GALNTL5: variants seen among roughly 807,000 people sequenced by gnomAD.
GALNTL5 encodes inactive polypeptide N-acetylgalactosaminyltransferase-like protein 5.
A neutral mutation model predicts 51.0 loss-of-function variants in GALNTL5; 44 were observed. The ratio of observed to expected loss-of-function variants is 0.86; its 90% CI spans 0.68 to 1.11. The LOEUF (loss-of-function observed/expected upper bound fraction) is 1.11, where lower values mean the gene tolerates loss of function less well. GALNTL5 is among the 50% of genes least tolerant of loss of function. GALNTL5 has a pLI of 0.00. For missense variants in GALNTL5, 528 were observed against 531.8 expected, an observed-to-expected ratio of 0.99 and a Z score of 0.07; for synonymous variants, 192 against 182.8, an observed-to-expected ratio of 1.05 and a Z score of -0.41.
intron 5 of GALNTL5, 145 bp from the exon 6 acceptor site, chr7:152,002,569 G>T (rs2081593968): frequency 1.3e-6 from 1 of 769,728 alleles, no homozygotes; most frequent in African/African-American, 1.8e-5. Flanking sequence ...TGTATTTCTT[G>T]TTTCCTTCCA....
At chr7:152,007,452 C>G (rs1194400330) in intron 6 of GALNTL5, among the ~76,000 whole-genome samples, 1 of 122,938 alleles carries the variant, frequency 8.1e-6, no homozygotes, top group Non-Finnish European at 1.6e-5. Flanking sequence ...GAGTCTGGCT[C>G]TGTCGTCCCA....
At chr7:152,010,496 G>A (rs112698703) in intron 7 of GALNTL5, among the ~76,000 whole-genome samples, 3,573 of 152,116 alleles carry the variant, frequency 0.023, 140 homozygotes, top group African/African-American at 0.082. Flanking sequence ...GCCCAGGTGC[G>A]GCAGCTCACA....
chr7:152,010,909 A>G (rs1327124116), intron 7 of GALNTL5, among the ~76,000 whole-genome samples: 1 of 152,218 alleles, frequency 6.6e-6, no homozygotes, highest in Non-Finnish European at 1.5e-5. Context: ...TTTAAGATAC[A>G]TGTAAAGGAT....
intron 8 of GALNTL5, among the ~76,000 whole-genome samples, chr7:152,017,891 G>C (rs549317018): frequency 6.6e-6 from 1 of 151,982 alleles, no homozygotes; most frequent in African/African-American, 2.4e-5. Flanking sequence ...TGTCACCCAG[G>C]CTGGAGTGCG....
chr7:152,001,245 T>C (rs1029435565), intron 5 of GALNTL5, among the ~76,000 whole-genome samples: 13 of 152,028 alleles, frequency 8.6e-5, no homozygotes, highest in Admixed American at 5.2e-4. Flanking sequence ...ATTGTGTCTT[T>C]TAAGCACAAA....
rs1251868989 is a variant in GALNTL5, at chr7:151,989,790, CT to C, written c.658+2513del. Among the ~76,000 whole-genome samples, 20 of 152,242 alleles carry C rather than the reference CT, an allele frequency of 1.3e-4. 1 individual carries two copies. Among genetic ancestry groups the C allele is most frequent in the Admixed American group, 5.9e-4 (9 of 15,294 alleles). The stretch of plus-strand genomic sequence containing the variant: ...CACAGTTGGCCAAAAAATAGGCTAC[CT>C]TTTCTTTTCTTGGTATTACCAGCCA... On this transcript the variant is annotated intron_variant, in intron 5 of 8. Transcript: ENST00000392800.
At chr7:151,960,927 C>T (rs576464673) in intron 1 of GALNTL5, among the ~76,000 whole-genome samples, 1 of 152,282 alleles carries the variant, frequency 6.6e-6, no homozygotes, top group South Asian at 2.1e-4. Flanking sequence ...TGCTTTGATG[C>T]CATGGAATTG....
intron 7 of GALNTL5, among the ~76,000 whole-genome samples, chr7:152,010,765 T>C (rs957431188): frequency 7.6e-6 from 1 of 131,920 alleles, no homozygotes; most frequent in Non-Finnish European, 1.7e-5. Flanking sequence ...CGAGACTCTG[T>C]CTCAAAAAAA....
Position 152,017,914 on chromosome 7 carries a change from C to T in GALNTL5, c.1177-1732C>T, listed in dbSNP as rs181869504. Among the ~76,000 whole-genome samples, 420 of 152,016 alleles carry T rather than the reference C, an allele frequency of 2.8e-3. 1 individual carries two copies. Among genetic ancestry groups the T allele is most frequent in the African/African-American group, 9.9e-3 (412 of 41,450 alleles). ...AGGCTGGAGTGCGGTGATGCAATCT[C>T]GGCTCACTGCAACCTCCACCTCCCA... is the stretch of plus-strand genomic sequence containing the variant. On this transcript the variant is annotated intron_variant, in intron 8 of 8. Transcript: ENST00000392800.
intron 2 of GALNTL5, 95 bp downstream of exon 2, chr7:151,967,588 G>A: frequency 9.7e-7 from 1 of 1,027,850 alleles, no homozygotes; most frequent in Non-Finnish European, 1.4e-6. Context: ...CCTTTTTAAA[G>A]CAATTTACTT....
At chr7:151,961,515 C>T (rs2151936219) in intron 1 of GALNTL5, among the ~76,000 whole-genome samples, 1 of 152,184 alleles carries the variant, frequency 6.6e-6, no homozygotes, top group South Asian at 2.1e-4. Flanking sequence ...TTTCTCAAAA[C>T]AAAACTGTAG....
rs754224055 is a variant in GALNTL5 at position 152,007,855 on chromosome 7, G to C, written c.937G>C (p.Ala313Pro). ...ACCTGCAATGTCTGGAGGAATTTTT[G>C]CTATACGTCGGCATTATTTTAATGA... ...RSPAMSGGIF[A>P]IRRHYFNEIG... Residue 313 changes from alanine to proline, a missense_variant, in exon 7 of 9, where the codon GCT (alanine) becomes CCT (proline). Coordinates refer to ENST00000392800, the MANE Select transcript of GALNTL5 (RefSeq NM_145292.4). 5 of 1,610,996 alleles carry C rather than the reference G, an allele frequency of 3.1e-6. No homozygotes were observed. In the African/African-American group the frequency reaches 6.7e-5, roughly 22 times the overall value.
At chr7:151,956,765 AAAG>A (rs1174260836) in intron 1 of GALNTL5, among the ~76,000 whole-genome samples, 156 bp downstream of exon 1, 2 of 152,114 alleles carry the variant, frequency 1.3e-5, no homozygotes, top group Non-Finnish European at 2.9e-5. Context: ...TTTATTTTTT[AAAG>A]AAGGAGTAGC....
chr7:151,993,384 G>A (rs945528108), intron 5 of GALNTL5, among the ~76,000 whole-genome samples: 6 of 152,116 alleles, frequency 3.9e-5, no homozygotes, highest in African/African-American at 1.2e-4. Flanking sequence ...CTGTGTGTGG[G>A]AACTTGCAGA....
rs2081697392 is a variant in GALNTL5, at chr7:152,009,275, T to C, written c.1026+1331T>C. Among the ~76,000 whole-genome samples, 2 of 152,316 alleles carry C rather than the reference T, an allele frequency of 1.3e-5. 1 individual carries two copies. ...TACTCCTCATTCCAGTAAATCGATATCCTGGAAGGCCCTCAGCTTTCCGTG... is the reference window on the plus strand; with the variant it reads ...TACTCCTCATTCCAGTAAATCGATACCCTGGAAGGCCCTCAGCTTTCCGTG... On this transcript the variant is annotated intron_variant, in intron 7 of 8. Coordinates refer to ENST00000392800, the MANE Select transcript of GALNTL5 (RefSeq NM_145292.4).
intron 1 of GALNTL5, among the ~76,000 whole-genome samples, chr7:151,966,440 T>C (rs1309385663): frequency 6.6e-6 from 1 of 152,072 alleles, no homozygotes; most frequent in African/African-American, 2.4e-5. Flanking sequence ...GCTAATTTTT[T>C]GTATTTTTAG....
chr7:152,017,073 C>A (rs1351622333), intron 8 of GALNTL5, among the ~76,000 whole-genome samples: 1 of 151,322 alleles, frequency 6.6e-6, no homozygotes, highest in Non-Finnish European at 1.5e-5. Flanking sequence ...GAAAGAAAAC[C>A]AACTATAGTG....
intron 3 of GALNTL5, among the ~76,000 whole-genome samples, chr7:151,973,571 A>G (rs2081173451): frequency 1.3e-5 from 2 of 152,244 alleles, no homozygotes; most frequent in African/African-American, 4.8e-5. Context: ...CCCATTTGGA[A>G]TGGGAATATT....
intron 3 of GALNTL5, among the ~76,000 whole-genome samples, chr7:151,975,780 T>C (rs1344940607): frequency 6.6e-6 from 1 of 152,180 alleles, no homozygotes; most frequent in Non-Finnish European, 1.5e-5. Flanking sequence ...TTTGTCAAGA[T>C]ATTTTTAATT....
Sources: gnomAD v4.1 joint callset for allele counts (sites outside exome capture counted in the v4.1 genomes callset) on GRCh38, gnomAD v4.1.1 for gene constraint, MANE v1.5 for transcripts, NCBI Gene and HGNC (gene_info 2026-07-23, HGNC 2026-07-21) for gene names.